The following NRG1 variants were observed in gnomAD, a reference collection of about 807,000 sequenced individuals.
NRG1 encodes neuregulin 1.
NRG1 carries 18 observed loss-of-function variants against 63.8 expected under a neutral mutation model. The observed-to-expected ratio is 0.28, with a 90% CI of 0.19 to 0.42. The LOEUF is 0.42. Ranked by LOEUF, NRG1 falls within the 10% of genes least tolerant of loss-of-function variation. NRG1 has a pLI of 1.00. For missense variants in NRG1, 762 were observed against 814.7 expected (o/e 0.94, Z 0.79); for synonymous variants, 302 against 301.3 (o/e 1.00, Z -0.02).
At chr8:32,557,285 G>T (rs985571312) in intron 1 of NRG1, among the ~76,000 whole-genome samples, 12 of 152,144 alleles carry the variant, frequency 7.9e-5, no homozygotes, top group African/African-American at 2.9e-4. Context: ...GGGATTACAG[G>T]CATGAGCCAC....
chr8:31,935,728 A>G (rs947641885), intron 1 of NRG1, among the ~76,000 whole-genome samples: 3 of 152,208 alleles, frequency 2.0e-5, no homozygotes, highest in African/African-American at 7.2e-5. Context: ...GAGGCCAGAC[A>G]GCAGCATCTT....
At chr8:31,751,721 G>A (rs891958612) in intron 1 of NRG1, among the ~76,000 whole-genome samples, 1 of 151,884 alleles carries the variant, frequency 6.6e-6, no homozygotes, top group Non-Finnish European at 1.5e-5. Context: ...GATGTTTGTG[G>A]TAGAGATGGA....
At chr8:32,275,482 T>G (rs1851997150) in intron 1 of NRG1, among the ~76,000 whole-genome samples, 1 of 151,688 alleles carries the variant, frequency 6.6e-6, no homozygotes, top group Non-Finnish European at 1.5e-5. Context: ...TTATCTACAG[T>G]GGTCAGGGAA....
At chr8:32,476,783 A>G (rs1022888428) in intron 1 of NRG1, among the ~76,000 whole-genome samples, 2 of 152,160 alleles carry the variant, frequency 1.3e-5, no homozygotes, top group African/African-American at 2.4e-5. Context: ...GCTTTTCTTA[A>G]GCTCCAAACT....
chr8:32,152,560 C>T (rs1837623094), intron 1 of NRG1, among the ~76,000 whole-genome samples: 1 of 152,150 alleles, frequency 6.6e-6, no homozygotes, highest in African/African-American at 2.4e-5. Flanking sequence ...TAAATGCCTT[C>T]ACTGCATGTA....
intron 1 of NRG1, among the ~76,000 whole-genome samples, chr8:32,239,334 G>A (rs1246868663): frequency 1.4e-5 from 2 of 147,550 alleles, no homozygotes; most frequent in East Asian, 2.0e-4. Context: ...AAAAAAAAGT[G>A]CCTAAATTCA....
chr8:32,771,404 G>A (rs536301511), downstream of NRG1, among the ~76,000 whole-genome samples: 6 of 150,324 alleles, frequency 4.0e-5, no homozygotes, highest in East Asian at 9.8e-4. Context: ...GGAATTACAG[G>A]CATGAGCCAC....
At chr8:31,662,722 C>T (rs1806121430) in intron 1 of NRG1, among the ~76,000 whole-genome samples, 1 of 152,158 alleles carries the variant, frequency 6.6e-6, no homozygotes, top group Non-Finnish European at 1.5e-5. Flanking sequence ...GAAAGTCCTC[C>T]TTAGGTAGGT....
At chr8:31,868,858 G>A (rs1313257546) in intron 1 of NRG1, among the ~76,000 whole-genome samples, 1 of 152,168 alleles carries the variant, frequency 6.6e-6, no homozygotes, top group African/African-American at 2.4e-5. Context: ...GAATCAACTT[G>A]CGTCTATATG....
intron 6 of NRG1, among the ~76,000 whole-genome samples, chr8:32,737,935 A>T (rs190573240): frequency 5.3e-5 from 8 of 152,160 alleles, no homozygotes; most frequent in African/African-American, 1.9e-4. Context: ...GGCTTCCCAA[A>T]GTGCTGGGAT....
At chr8:32,074,334 G>A (rs567451185) in intron 1 of NRG1, among the ~76,000 whole-genome samples, 1 of 152,228 alleles carries the variant, frequency 6.6e-6, no homozygotes, top group Non-Finnish European at 1.5e-5. Context: ...CCTGATGTTA[G>A]CAGGGAGGTC....
intron 1 of NRG1, among the ~76,000 whole-genome samples, chr8:32,438,306 T>C (rs1819044472): frequency 6.6e-6 from 1 of 152,196 alleles, no homozygotes; most frequent in South Asian, 2.1e-4. Flanking sequence ...ATCAGCATAA[T>C]TCTTTGGAGA....
At chr8:32,223,276 AG>A (rs1846009256) in intron 1 of NRG1, among the ~76,000 whole-genome samples, 1 of 152,364 alleles carries the variant, frequency 6.6e-6, no homozygotes, top group African/African-American at 2.4e-5. Flanking sequence ...ATTACTGTGC[AG>A]CTGCTACTTT....
chr8:31,974,202 G>A (rs1807786271), intron 1 of NRG1, among the ~76,000 whole-genome samples: 1 of 152,110 alleles, frequency 6.6e-6, no homozygotes. Flanking sequence ...GACTCGCTGT[G>A]TCACCCAGGC....
intron 1 of NRG1, among the ~76,000 whole-genome samples, chr8:32,412,056 A>G (rs557353090): frequency 4.6e-4 from 70 of 152,180 alleles, no homozygotes; most frequent in African/African-American, 1.5e-3. Flanking sequence ...AGAAAAGCAG[A>G]TTCGTCTCCC....
chr8:31,686,349 A>G (rs1808889154), intron 1 of NRG1, among the ~76,000 whole-genome samples: 1 of 152,146 alleles, frequency 6.6e-6, no homozygotes. Context: ...TTATTGTCAC[A>G]TGTGTCATTA....
chr8:32,255,387 G>T (rs753207664), intron 1 of NRG1, among the ~76,000 whole-genome samples: 1 of 152,150 alleles, frequency 6.6e-6, no homozygotes, highest in Non-Finnish European at 1.5e-5. Flanking sequence ...GGCAGACCTG[G>T]TGGTGGCAAA....
chr8:32,541,159 A>G (rs951096399), intron 1 of NRG1, among the ~76,000 whole-genome samples: 2 of 152,176 alleles, frequency 1.3e-5, no homozygotes, highest in African/African-American at 4.8e-5. Flanking sequence ...AGATGACTGT[A>G]ACATTCCACC....
chr8:32,396,053 G>T (rs1356805371), intron 1 of NRG1, among the ~76,000 whole-genome samples: 1 of 152,002 alleles, frequency 6.6e-6, no homozygotes, highest in Non-Finnish European at 1.5e-5. Context: ...GTCTATTTCT[G>T]GTATCTCTAT....
Sources: gnomAD v4.1 joint callset for allele counts (sites outside exome capture counted in the v4.1 genomes callset) on GRCh38, gnomAD v4.1.1 for gene constraint, MANE v1.5 for transcripts, NCBI Gene and HGNC (gene_info 2026-07-23, HGNC 2026-07-21) for gene names.